The following LRFN2 variants were observed in gnomAD, a reference collection of about 807,000 sequenced individuals.
LRFN2 encodes leucine rich repeat and fibronectin type III domain containing 2.
A neutral mutation model predicts 37.3 loss-of-function variants in LRFN2; 18 were observed. The observed-to-expected ratio is 0.48, with a 90% CI of 0.33 to 0.72. The LOEUF is 0.72. Ranked by LOEUF, LRFN2 falls within the 30% of genes least tolerant of loss-of-function variation. The probability of loss-of-function intolerance (pLI) is 0.02; values close to 1 mark genes in which losing one functional copy is unlikely to be tolerated. For synonymous variants in LRFN2, 556 were observed against 466.6 expected, an observed-to-expected ratio of 1.19 and a Z score of -2.47; for missense variants, 1,006 against 1,060.7, an observed-to-expected ratio of 0.95 and a Z score of 0.72.
chr6:40,459,579 C>G (rs578098140), intron 1 of LRFN2, among the ~76,000 whole-genome samples: 9 of 152,306 alleles, frequency 5.9e-5, no homozygotes, highest in Non-Finnish European at 1.2e-4. Context: ...TCTGCAGGGC[C>G]TAATCCTATC....
intron 1 of LRFN2, among the ~76,000 whole-genome samples, chr6:40,585,963 C>T (rs1415679296): frequency 2.0e-5 from 3 of 152,138 alleles, no homozygotes; most frequent in Non-Finnish European, 4.4e-5. Context: ...TGTTCCCTGT[C>T]CCTGCAGGTG....
At chr6:40,416,490 G>A (rs1290700619) in intron 2 of LRFN2, among the ~76,000 whole-genome samples, 1 of 152,244 alleles carries the variant, frequency 6.6e-6, no homozygotes. Flanking sequence ...TGGCCTGGAT[G>A]AGCTTGAACT....
chr6:40,480,043 T>C (rs749832131), intron 1 of LRFN2, among the ~76,000 whole-genome samples: 11 of 152,230 alleles, frequency 7.2e-5, no homozygotes, highest in Non-Finnish European at 1.5e-4. Flanking sequence ...CATGGCCTAG[T>C]AGGAAGGATA....
intron 1 of LRFN2, among the ~76,000 whole-genome samples, chr6:40,578,811 G>T (rs1767340802): frequency 2.0e-5 from 3 of 152,144 alleles, no homozygotes; most frequent in African/African-American, 7.2e-5. Flanking sequence ...TTTTGCAGAT[G>T]AGAAAACTGA....
chr6:40,496,203 C>G (rs1488733789), intron 1 of LRFN2, among the ~76,000 whole-genome samples: 1 of 152,158 alleles, frequency 6.6e-6, no homozygotes, highest in Non-Finnish European at 1.5e-5. Context: ...CTTACCACCT[C>G]CACTACTACT....
At chr6:40,520,279 T>A (rs1581773065) in intron 1 of LRFN2, among the ~76,000 whole-genome samples, 1 of 150,192 alleles carries the variant, frequency 6.7e-6, no homozygotes, top group Admixed American at 6.6e-5. Flanking sequence ...GGTGGAGGAG[T>A]GCAGAGGGGC....
At chr6:40,399,415 CTTTTTCTTTTCTTTTTT>C (rs1482381160) in intron 2 of LRFN2, among the ~76,000 whole-genome samples, 1 of 145,076 alleles carries the variant, frequency 6.9e-6, no homozygotes, top group African/African-American at 2.5e-5. Flanking sequence ...AATTCTCTTT[CTTTTTCTTTTCTTTTTT>C]TTTTTCTTTT....
intron 1 of LRFN2, among the ~76,000 whole-genome samples, chr6:40,513,397 C>T (rs183975813): frequency 6.6e-6 from 1 of 152,118 alleles, no homozygotes; most frequent in Non-Finnish European, 1.5e-5. Flanking sequence ...CCACGTCCAG[C>T]TAATTTTTGT....
At chr6:40,496,528 C>A (rs916957723) in intron 1 of LRFN2, among the ~76,000 whole-genome samples, 1 of 151,960 alleles carries the variant, frequency 6.6e-6, no homozygotes, top group Non-Finnish European at 1.5e-5. Flanking sequence ...GTCTTAGAAT[C>A]TTTGCACTGA....
chr6:40,441,202 G>A (rs941943086), intron 1 of LRFN2, among the ~76,000 whole-genome samples: 4 of 152,178 alleles, frequency 2.6e-5, no homozygotes, highest in Admixed American at 2.0e-4. Flanking sequence ...GGCACTCGCC[G>A]TCTGTTGTCT....
At chr6:40,393,918 G>A (rs771013001) in intron 2 of LRFN2, among the ~76,000 whole-genome samples, 1 of 152,184 alleles carries the variant, frequency 6.6e-6, no homozygotes, top group Non-Finnish European at 1.5e-5. Context: ...AAGCAGAAGA[G>A]GACTGGATGC....
At chr6:40,415,799 G>T (rs2113809348) in intron 2 of LRFN2, among the ~76,000 whole-genome samples, 1 of 152,340 alleles carries the variant, frequency 6.6e-6, no homozygotes, top group East Asian at 1.9e-4. Flanking sequence ...CCTCTCGAAT[G>T]ACTAAAGGTA....
intron 1 of LRFN2, among the ~76,000 whole-genome samples, chr6:40,499,492 G>C (rs944692718): frequency 6.6e-6 from 1 of 152,170 alleles, no homozygotes; most frequent in Non-Finnish European, 1.5e-5. Flanking sequence ...CTGCAACACA[G>C]TTTCAGGAAA....
At chr6:40,449,924 G>T (rs1415625415) in intron 1 of LRFN2, among the ~76,000 whole-genome samples, 1 of 151,940 alleles carries the variant, frequency 6.6e-6, no homozygotes, top group Non-Finnish European at 1.5e-5. Context: ...GCATTGTTTT[G>T]GTTTTATTTT....
intron 2 of LRFN2, among the ~76,000 whole-genome samples, chr6:40,409,641 C>A (rs1762919742): frequency 6.6e-6 from 1 of 152,212 alleles, no homozygotes; most frequent in African/African-American, 2.4e-5. Flanking sequence ...ACACTACCAC[C>A]TCCCCCAAAG....
intron 1 of LRFN2, among the ~76,000 whole-genome samples, chr6:40,530,822 C>A (rs1766329415): frequency 6.6e-6 from 1 of 152,118 alleles, no homozygotes; most frequent in African/African-American, 2.4e-5. Flanking sequence ...GTCTAACAGG[C>A]ACCTTGGCCT....
chr6:40,539,835 C>T (rs1766519095), intron 1 of LRFN2, among the ~76,000 whole-genome samples: 1 of 152,134 alleles, frequency 6.6e-6, no homozygotes, highest in South Asian at 2.1e-4. Flanking sequence ...GGTCCCTGCC[C>T]TACTCACTGT....
At chr6:40,570,988 T>G (rs1767176477) in intron 1 of LRFN2, among the ~76,000 whole-genome samples, 1 of 152,194 alleles carries the variant, frequency 6.6e-6, no homozygotes, top group Admixed American at 6.5e-5. Flanking sequence ...TATGGGAGAA[T>G]GGCCTAGAGG....
intron 1 of LRFN2, among the ~76,000 whole-genome samples, chr6:40,582,306 A>G (rs976734283): frequency 2.0e-5 from 3 of 151,888 alleles, no homozygotes; most frequent in Non-Finnish European, 4.4e-5. Flanking sequence ...GTGAATTAAT[A>G]TAGGACATGC....
Sources: gnomAD v4.1 joint callset for allele counts (sites outside exome capture counted in the v4.1 genomes callset) on GRCh38, gnomAD v4.1.1 for gene constraint, MANE v1.5 for transcripts, NCBI Gene and HGNC (gene_info 2026-07-23, HGNC 2026-07-21) for gene names.